MPND: variants seen among roughly 807,000 people sequenced by gnomAD.
MPND encodes the protein MPN domain-containing protein.
Under a neutral mutation model 59.2 loss-of-function variants are expected in MPND, and 56 were observed. That is an observed-to-expected ratio of 0.95 (90% CI 0.76 to 1.18). The LOEUF (loss-of-function observed/expected upper bound fraction) is 1.18. Ranked by LOEUF, MPND falls within the 50% of genes most tolerant of loss-of-function variation. The probability of loss-of-function intolerance (pLI) is 0.00; values close to 1 mark genes in which losing one functional copy is unlikely to be tolerated. For synonymous variants in MPND, 323 were observed against 291.9 expected (o/e 1.11, Z -1.09); for missense variants, 671 against 676.0 (o/e 0.99, Z 0.08).
At chr19:4,346,133 A>G (rs1972181841) in intron 3 of MPND, 152 bp downstream of exon 3, 3 of 688,544 alleles carry the variant, frequency 4.4e-6, no homozygotes, top group Admixed American at 2.8e-5. Context: ...CCATCCCTCC[A>G]GGGCTGGGGC....
In MPND at chr19:4,356,397, T is replaced by A. The variant is rs1282363984; in HGVS notation, c.997-856T>A. On this transcript the variant is annotated intron_variant, in intron 8 of 12. Coordinates refer to ENST00000599840, the MANE Select transcript of MPND (RefSeq NM_001300862.2). ...CGTCTCTACAAAAGATAAAAAAAAT[T>A]AGCCAGACATGGTGGTACGCACCTG... Among the ~76,000 whole-genome samples the A allele has an allele frequency of 5.3e-5, 8 of 152,070 alleles. No individual in the cohort carries two copies. In the East Asian group the frequency reaches 1.6e-3, roughly 30 times the overall value.
intron 8 of MPND, among the ~76,000 whole-genome samples, chr19:4,356,397 T>G (rs1282363984): frequency 6.6e-6 from 1 of 151,952 alleles, no homozygotes; most frequent in Non-Finnish European, 1.5e-5. Flanking sequence ...TAAAAAAAAT[T>G]AGCCAGACAT....
chr19:4,355,218 G>C, intron 8 of MPND, 45 bp downstream of exon 8: 1 of 1,598,882 alleles, frequency 6.3e-7, no homozygotes, highest in Non-Finnish European at 8.5e-7. Context: ...GGGTTGGGAA[G>C]GGACATAGCT....
At chr19:4,357,992 C>A in intron 10 of MPND, 91 bp from the exon 11 acceptor site, 1 of 1,072,718 alleles carries the variant, frequency 9.3e-7, no homozygotes, top group South Asian at 1.4e-5. Context: ...TGTGCACTCT[C>A]CCGTTCCCAG....
Position 4,355,026 on chromosome 19 carries a change from GTATCCAGGGCCAGGT to G in MPND, c.919+6_919+20del. The G allele has an allele frequency of 7.5e-7, 1 of 1,334,802 alleles. No homozygotes were observed. Among genetic ancestry groups the G allele is most frequent in the Non-Finnish European group, 1.0e-6 (1 of 977,322 alleles). 82.7% of individuals were successfully genotyped at this position (1,334,802 alleles called of 1,614,324 possible). On this transcript the variant is annotated splice_donor_region_variant and intron_variant, in intron 7 of 12. Transcript: ENST00000599840. ...GCTGGGACGTCAACAGCCAGAGTGG[GTATCCAGGGCCAGGT>G]GGGCGGGGGCGTTGGAGGACCGGGG...
At chr19:4,357,011 CAA>C in intron 8 of MPND, 1 of 412,070 alleles carries the variant, frequency 2.4e-6, no homozygotes. Context: ...CAGCAGTGAA[CAA>C]AATGACTTTG....
At chr19:4,349,288 C>G (rs1972260554) in intron 3 of MPND, among the ~76,000 whole-genome samples, 1 of 152,156 alleles carries the variant, frequency 6.6e-6, no homozygotes, top group Non-Finnish European at 1.5e-5. Context: ...GTTGGTCAGG[C>G]TGGTCTCGAA....
chr19:4,358,151 C>A lies in MPND; in HGVS notation c.1305C>A (p.Thr435=). The A allele has an allele frequency of 1.3e-6, 2 of 1,551,396 alleles. No homozygotes were observed. Among genetic ancestry groups the A allele is most frequent in the Non-Finnish European group, 1.7e-6 (2 of 1,146,942 alleles). Residue 435 remains threonine (T), a synonymous_variant, in exon 11 of 13, where the codon ACC becomes ACA. Coordinates refer to ENST00000599840, the MANE Select transcript of MPND (RefSeq NM_001300862.2). ...CCTACGTCCAGGACAGCTTCCTGAC[C>A]AATGACATCCTTCACGAGATGGTGA... ...EMAYVQDSFL[T]NDILHEMMLL... is the part of the protein sequence containing the mutation.
chr19:4,346,142 G>A (rs1972182043), intron 3 of MPND, among the ~76,000 whole-genome samples, 161 bp downstream of exon 3: 1 of 152,234 alleles, frequency 6.6e-6, no homozygotes, highest in South Asian at 2.1e-4. Flanking sequence ...CAGGGCTGGG[G>A]CGGAGAGAGG....
At chr19:4,352,439 C>T (rs1368387304) in intron 3 of MPND, among the ~76,000 whole-genome samples, 1 of 152,164 alleles carries the variant, frequency 6.6e-6, no homozygotes, top group East Asian at 1.9e-4. Context: ...AATCCCAGCA[C>T]TTTGGGAGGC....
exon 13 of MPND, chr19:4,360,076 GCAGC>G: frequency 7.3e-7 from 1 of 1,363,832 alleles, no homozygotes; most frequent in Non-Finnish European, 1.0e-6. Flanking sequence ...AACGGAAGCA[GCAGC>G]CAGCCACGCT....
At chr19:4,353,573 T>C (rs867002519) in intron 4 of MPND, among the ~76,000 whole-genome samples, 26 of 122,072 alleles carry the variant, frequency 2.1e-4, no homozygotes, top group Middle Eastern at 4.1e-3. Flanking sequence ...TGTTTTTTTG[T>C]TTTTTTGAGA....
At chr19:4,350,670 G>A (rs1972296621) in intron 3 of MPND, among the ~76,000 whole-genome samples, 1 of 152,200 alleles carries the variant, frequency 6.6e-6, no homozygotes, top group Non-Finnish European at 1.5e-5. Flanking sequence ...TGTGGGAAGG[G>A]CAGATCTGGG....
intron 4 of MPND, 62 bp from the exon 5 acceptor site, chr19:4,353,983 G>A (rs1972376204): frequency 3.5e-6 from 5 of 1,439,224 alleles, no homozygotes; most frequent in Non-Finnish European, 4.9e-6. Flanking sequence ...CACACCCAGT[G>A]GCCACCTAAT....
Position 4,352,995 on chromosome 19 carries a change from A to C in MPND, c.630A>C (p.Pro210=). ...CAGCAGAGGACAAGAGTCGGAGACC[A>C]CTGGGGAAGAGCCCTTCAGAGCCTG... ...GVSAEDKSRR[P]LGKSPSEPAH... is the part of the protein sequence containing the mutation. The change falls in exon 4 of 13, where the codon CCA becomes CCC. Residue 210 remains proline (P), a synonymous_variant. Coordinates refer to ENST00000599840, the MANE Select transcript of MPND (RefSeq NM_001300862.2). 7.3e-7 allele frequency: 1 copy of C among 1,364,070 alleles called. No homozygotes were observed. Among genetic ancestry groups the C allele is most frequent in the Non-Finnish European group, 9.5e-7 (1 of 1,048,194 alleles). 84.5% of individuals were successfully genotyped at this position (1,364,070 alleles called of 1,614,324 possible).
intron 2 of MPND, among the ~76,000 whole-genome samples, chr19:4,344,390 C>G (rs901148405): frequency 6.8e-6 from 1 of 148,106 alleles, no homozygotes; most frequent in African/African-American, 2.5e-5. Context: ...GCCCAGAGCT[C>G]CTTTCCTGCA....
chr19:4,355,353 T>TTTTTTA (rs1972414558), intron 8 of MPND, among the ~76,000 whole-genome samples, 180 bp downstream of exon 8: 1 of 150,530 alleles, frequency 6.6e-6, no homozygotes, highest in East Asian at 1.9e-4. Flanking sequence ...TTTTTTTTTT[T>TTTTTTA]GAGACGGAGT....
rs1359715505 is a variant in MPND, at chr19:4,358,177, G to A, written c.1326+5G>A. 3 of 1,550,740 alleles carry A rather than the reference G, an allele frequency of 1.9e-6. No homozygotes were observed. The highest frequency in any genetic ancestry group is 2.4e-5 in the East Asian group (1 of 40,930). ...AATGACATCCTTCACGAGATGGTGA[G>A]CTCGCTGCGGGGCGGGCAGGCAGGG... On this transcript the variant is annotated splice_donor_5th_base_variant and intron_variant, in intron 11 of 12. Coordinates refer to ENST00000599840, the MANE Select transcript of MPND (RefSeq NM_001300862.2).
At chr19:4,355,217 A>G (rs1568399595) in intron 8 of MPND, 44 bp downstream of exon 8, 1 of 1,599,800 alleles carries the variant, frequency 6.3e-7, no homozygotes, top group Non-Finnish European at 8.5e-7. Context: ...AGGGTTGGGA[A>G]GGGACATAGC....
Sources: allele counts gnomAD v4.1 joint callset (sites outside exome capture counted in the v4.1 genomes callset), GRCh38; gene constraint gnomAD v4.1.1; transcripts MANE v1.5; gene names NCBI Gene and HGNC (gene_info 2026-07-23, HGNC 2026-07-21).